The following SYT17 variants were observed in gnomAD, a reference collection of about 807,000 sequenced individuals.
SYT17 encodes the protein synaptotagmin-17.
Under a neutral mutation model 46.7 loss-of-function variants are expected in SYT17, and 22 were observed. The observed-to-expected ratio is 0.47, with a 90% CI of 0.34 to 0.67. SYT17 has a LOEUF of 0.67. Ranked by LOEUF, SYT17 falls within the 30% of genes least tolerant of loss-of-function variation. SYT17 has a pLI of 0.01. For missense variants in SYT17, 519 were observed against 612.8 expected, an observed-to-expected ratio of 0.85 and a Z score of 1.62; for synonymous variants, 251 against 248.4, an observed-to-expected ratio of 1.01 and a Z score of -0.10.
At chr16:19,218,562 A>T (rs1284563630) in intron 5 of SYT17, among the ~76,000 whole-genome samples, 1 of 152,214 alleles carries the variant, frequency 6.6e-6, no homozygotes, top group African/African-American at 2.4e-5. Flanking sequence ...TAGAAAAAGG[A>T]TGACTTCAGG....
At chr16:19,216,601 CA>C (rs1408200479) in intron 5 of SYT17, among the ~76,000 whole-genome samples, 9 of 152,034 alleles carry the variant, frequency 5.9e-5, no homozygotes, top group Admixed American at 2.6e-4. Context: ...TCTCATTGTT[CA>C]GCTCTCACTT....
intron 5 of SYT17, among the ~76,000 whole-genome samples, chr16:19,185,324 C>G (rs1243690244): frequency 6.6e-6 from 1 of 152,210 alleles, no homozygotes; most frequent in Non-Finnish European, 1.5e-5. Context: ...CAGTGGCTTA[C>G]GCCTGTAATC....
intron 3 of SYT17, among the ~76,000 whole-genome samples, chr16:19,174,062 AAC>A (rs1445297575): frequency 3.9e-5 from 6 of 152,196 alleles, no homozygotes; most frequent in Non-Finnish European, 7.3e-5. Flanking sequence ...GGAATGAACA[AAC>A]AAGTGCCTTT....
intron 5 of SYT17, among the ~76,000 whole-genome samples, chr16:19,194,876 A>T (rs903319352): frequency 2.0e-5 from 3 of 152,206 alleles, no homozygotes; most frequent in Non-Finnish European, 4.4e-5. Context: ...GAGATTGCAG[A>T]TGTGAGCCAT....
chr16:19,244,617 G>A (rs185903890), intron 7 of SYT17, among the ~76,000 whole-genome samples: 15 of 152,262 alleles, frequency 9.9e-5, no homozygotes, highest in African/African-American at 3.4e-4. Flanking sequence ...TTACAGGCAT[G>A]AGCCACCGAG....
At chr16:19,223,016 A>C in intron 5 of SYT17, 29 bp from the exon 6 acceptor site, 3 of 1,612,944 alleles carry the variant, frequency 1.9e-6, no homozygotes, top group Non-Finnish European at 2.5e-6. Flanking sequence ...AGGAGAAGGC[A>C]ACTTCCTGAT....
Position 19,249,710 on chromosome 16 carries a change from T to C in SYT17, c.1229-17170T>C, listed in dbSNP as rs571765926. Among the ~76,000 whole-genome samples the C allele has an allele frequency of 4.6e-5, 7 of 152,282 alleles. No individual in the cohort carries two copies. The South Asian group carries it at 1.2e-3, about 27-fold the overall frequency. On this transcript the variant is annotated intron_variant, in intron 7 of 7. Transcript: ENST00000355377. ...CTCTGAGCAGGATCCAGTGTGCTCA[T>C]TGGTACAAAGGACCGTTGAACCTTT...
At chr16:19,184,228 G>T (rs1964685927) in intron 5 of SYT17, 81 bp downstream of exon 5, 1 of 1,486,652 alleles carries the variant, frequency 6.7e-7, no homozygotes, top group Non-Finnish European at 9.0e-7. Flanking sequence ...CTGTTTAAAA[G>T]GCTTTTTTGG....
intron 7 of SYT17, among the ~76,000 whole-genome samples, chr16:19,254,306 C>A (rs756520595): frequency 1.3e-5 from 2 of 152,038 alleles, no homozygotes; most frequent in African/African-American, 4.8e-5. Flanking sequence ...ATAGTAGGAT[C>A]GGGCCCCTTT....
At chr16:19,170,887 G>A (rs1339067893) in intron 1 of SYT17, 2 of 152,110 alleles carry the variant, frequency 1.3e-5, no homozygotes, top group East Asian at 3.9e-4. Context: ...GGTTCCACTA[G>A]GTCTTGACAA....
chr16:19,254,692 C>T lies in SYT17; in HGVS notation c.1229-12188C>T, dbSNP rs183632186. Among the ~76,000 whole-genome samples the T allele has an allele frequency of 5.3e-5, 8 of 152,298 alleles. No individual in the cohort carries two copies. The East Asian group carries it at 1.4e-3, about 26-fold the overall frequency. ...GTAGACAGTTTGCAGTGTACATCTT[C>T]CCCCAAGCGATGCCAGCTTCTCTGA... On this transcript the variant is annotated intron_variant, in intron 7 of 7. Coordinates refer to ENST00000355377, the MANE Select transcript of SYT17 (RefSeq NM_016524.4).
At position 19,183,218 on chromosome 16, in the gene SYT17, A is replaced by G. The variant is rs1030006239; in HGVS notation, c.332-310A>G. On this transcript the variant is annotated intron_variant, in intron 4 of 7. Coordinates refer to ENST00000355377, the MANE Select transcript of SYT17 (RefSeq NM_016524.4). The surrounding 1 kb of genome is among the most constrained non-coding windows in gnomAD (Gnocchi z 5.6). ...TTAAAGCTTCTGTTTCCTCGTCTAT[A>G]AAGTGGGGATAATAGTAATTATCTA... Among the ~76,000 whole-genome samples the G allele has an allele frequency of 2.6e-5, 4 of 152,204 alleles. No homozygotes were observed. Among genetic ancestry groups the G allele is most frequent in the African/African-American group, 9.7e-5 (4 of 41,448 alleles).
At chr16:19,231,648 A>C (rs1966694615) in intron 7 of SYT17, among the ~76,000 whole-genome samples, 1 of 151,134 alleles carries the variant, frequency 6.6e-6, no homozygotes, top group African/African-American at 2.4e-5. Context: ...AGGTGGAGGA[A>C]CTGCTGCTTG....
At chr16:19,241,175 C>G (rs1967088290) in intron 7 of SYT17, among the ~76,000 whole-genome samples, 6 of 151,876 alleles carry the variant, frequency 4.0e-5, no homozygotes, top group Admixed American at 3.9e-4. Context: ...TCTCGATCTC[C>G]TGACCTCGTG....
At chr16:19,193,145 C>A (rs1017961391) in intron 5 of SYT17, among the ~76,000 whole-genome samples, 2 of 152,222 alleles carry the variant, frequency 1.3e-5, no homozygotes, top group Non-Finnish European at 2.9e-5. Context: ...CATAAGCTGG[C>A]GTGGCAAGTG....
intron 5 of SYT17, among the ~76,000 whole-genome samples, chr16:19,203,845 C>CA (rs1428942287): frequency 6.6e-6 from 1 of 152,216 alleles, no homozygotes; most frequent in Non-Finnish European, 1.5e-5. Flanking sequence ...GTGGGCTGCG[C>CA]ATGGGATGGG....
Position 19,183,745 on chromosome 16 carries a change from C to T in SYT17, c.549C>T (p.Tyr183=), listed in dbSNP as rs1004211294. 3 of 1,614,116 alleles carry T rather than the reference C, an allele frequency of 1.9e-6. No homozygotes were observed. Among genetic ancestry groups the T allele is most frequent in the African/African-American group, 2.7e-5 (2 of 74,952 alleles). The part of the protein sequence containing the change: ...SLTDEEILSK[Y]QLGMLHFSTQ... ...CAGACGAGGAGATCCTGTCCAAGTA[C>T]CAGCTGGGCATGCTGCACTTCAGCA... The change falls in exon 5 of 8, where the codon TAC becomes TAT. Residue 183 remains tyrosine (Y), a synonymous_variant. Coordinates refer to ENST00000355377, the MANE Select transcript of SYT17 (RefSeq NM_016524.4). This position sits in a 1 kb window ranked among gnomAD's most constrained non-coding sequence, Gnocchi z 5.6.
chr16:19,239,278 A>AAATTAATTAATTAATTAATT (rs918681071), intron 7 of SYT17, among the ~76,000 whole-genome samples: 2 of 151,304 alleles, frequency 1.3e-5, no homozygotes, highest in Non-Finnish European at 2.9e-5. Context: ...CCCTGTCTCA[A>AAATTAATTAATTAATTAATT]AATTAATTAA....
chr16:19,222,173 G>C (rs1966342269), intron 5 of SYT17, among the ~76,000 whole-genome samples: 2 of 152,186 alleles, frequency 1.3e-5, no homozygotes, highest in Non-Finnish European at 2.9e-5. Flanking sequence ...CGTTTCACAA[G>C]TCAGAATATA....
Sources: allele counts gnomAD v4.1 joint callset (sites outside exome capture counted in the v4.1 genomes callset), GRCh38; gene constraint gnomAD v4.1.1; non-coding constraint Gnocchi (gnomAD v3.1); transcripts MANE v1.5; gene names NCBI Gene and HGNC (gene_info 2026-07-23, HGNC 2026-07-21).